SH3RF3: variants seen among roughly 807,000 people sequenced by gnomAD.
The protein encoded by SH3RF3 is SH3 domain containing ring finger 3, also known as E3 ubiquitin-protein ligase SH3RF3.
Under a neutral mutation model 66.3 loss-of-function variants are expected in SH3RF3, and 29 were observed. That is an observed-to-expected ratio of 0.44 (90% CI 0.33 to 0.60). The LOEUF (loss-of-function observed/expected upper bound fraction) is 0.60. SH3RF3 is among the 20% of genes least tolerant of loss of function. SH3RF3 has a pLI of 0.04. For synonymous variants in SH3RF3, 583 were observed against 532.0 expected, an observed-to-expected ratio of 1.10 and a Z score of -1.32; for missense variants, 1,194 against 1,190.9, an observed-to-expected ratio of 1.00 and a Z score of -0.04.
chr2:109,290,788 A>G lies in SH3RF3; in HGVS notation c.574-56886A>G, dbSNP rs934741183. ...CTCAGGACTGGGCTTCAGAGCCTTT[A>G]CAACACAGCACTCTTGATGGCTTCT... On this transcript the variant is annotated intron_variant, in intron 1 of 9. Coordinates refer to ENST00000309415, the MANE Select transcript of SH3RF3 (RefSeq NM_001099289.3). Among the ~76,000 whole-genome samples the G allele has an allele frequency of 3.3e-5, 5 of 152,214 alleles. No individual in the cohort carries two copies. In the East Asian group the frequency reaches 9.6e-4, roughly 29 times the overall value.
intron 1 of SH3RF3, among the ~76,000 whole-genome samples, chr2:109,209,163 T>C (rs1349871416): frequency 1.3e-5 from 2 of 152,238 alleles, no homozygotes; most frequent in East Asian, 3.8e-4. Flanking sequence ...TGCTGTGGTC[T>C]GCCTGGGCAT....
At chr2:109,374,870 A>T (rs1376699821) in intron 3 of SH3RF3, among the ~76,000 whole-genome samples, 3 of 152,162 alleles carry the variant, frequency 2.0e-5, no homozygotes, top group Non-Finnish European at 4.4e-5. Flanking sequence ...AGCTCAGGCC[A>T]TGATGCTAAG....
At chr2:109,482,592 A>C (rs1224990048) in intron 8 of SH3RF3, among the ~76,000 whole-genome samples, 1 of 152,152 alleles carries the variant, frequency 6.6e-6, no homozygotes, top group African/African-American at 2.4e-5. Flanking sequence ...ATGACCCCTA[A>C]GAGGGGGAGA....
intron 1 of SH3RF3, among the ~76,000 whole-genome samples, chr2:109,258,875 G>C (rs1680285565): frequency 6.6e-6 from 1 of 152,198 alleles, no homozygotes; most frequent in Non-Finnish European, 1.5e-5. Flanking sequence ...GATTTGACGA[G>C]AACACTCTGT....
intron 2 of SH3RF3, among the ~76,000 whole-genome samples, chr2:109,351,430 A>G (rs1426472091): frequency 6.6e-6 from 1 of 152,262 alleles, no homozygotes; most frequent in African/African-American, 2.4e-5. Context: ...CTGGGAGTGC[A>G]GGAGAAGAAT....
At chr2:109,187,921 A>T (rs1260754276) in intron 1 of SH3RF3, among the ~76,000 whole-genome samples, 4 of 152,126 alleles carry the variant, frequency 2.6e-5, no homozygotes, top group African/African-American at 9.7e-5. Context: ...TGTGCCTGTC[A>T]GGACTCTCAG....
chr2:109,335,472 G>A (rs576500693), intron 1 of SH3RF3, among the ~76,000 whole-genome samples: 68 of 152,198 alleles, frequency 4.5e-4, no homozygotes, highest in African/African-American at 9.9e-4. Context: ...GGACATGCTC[G>A]TCGACTAGCC....
chr2:109,429,515 C>T (rs1677130835), intron 5 of SH3RF3, among the ~76,000 whole-genome samples: 2 of 152,160 alleles, frequency 1.3e-5, no homozygotes. Flanking sequence ...GGCAGCATCT[C>T]CCTACGCGTT....
chr2:109,372,507 A>T (rs777445540), intron 3 of SH3RF3, among the ~76,000 whole-genome samples: 5 of 152,230 alleles, frequency 3.3e-5, no homozygotes, highest in Non-Finnish European at 7.3e-5. Flanking sequence ...TGTGCCAGAC[A>T]CTTGGAAGTA....
chr2:109,402,039 C>T (rs1358808795), intron 4 of SH3RF3, among the ~76,000 whole-genome samples: 1 of 152,220 alleles, frequency 6.6e-6, no homozygotes, highest in East Asian at 1.9e-4. Flanking sequence ...CCGCCTGTCT[C>T]CCTGTCCTGA....
intron 8 of SH3RF3, among the ~76,000 whole-genome samples, chr2:109,471,713 C>A (rs994216940): frequency 6.6e-6 from 1 of 152,204 alleles, no homozygotes; most frequent in Non-Finnish European, 1.5e-5. Context: ...CCACTCACCC[C>A]CTTGCTGTCT....
intron 2 of SH3RF3, among the ~76,000 whole-genome samples, chr2:109,354,880 C>T (rs1381134229): frequency 1.3e-5 from 2 of 152,236 alleles, no homozygotes; most frequent in African/African-American, 4.8e-5. Context: ...GCAGGTCCTA[C>T]CATGTCACCT....
chr2:109,217,802 G>A (rs1053261564), intron 1 of SH3RF3, among the ~76,000 whole-genome samples: 1 of 152,200 alleles, frequency 6.6e-6, no homozygotes, highest in Non-Finnish European at 1.5e-5. Context: ...GCCTGGCTGT[G>A]GTGCTGGGCA....
chr2:109,147,801 A>G (rs920122942), intron 1 of SH3RF3, among the ~76,000 whole-genome samples: 2 of 152,248 alleles, frequency 1.3e-5, no homozygotes, highest in Non-Finnish European at 2.9e-5. Context: ...ATTGGAGCCT[A>G]GCCCATTGAT....
intron 1 of SH3RF3, among the ~76,000 whole-genome samples, chr2:109,190,088 G>T (rs983318102): frequency 3.3e-5 from 5 of 152,186 alleles, no homozygotes; most frequent in African/African-American, 7.2e-5. Flanking sequence ...AACTTTTCCC[G>T]TGATCATATG....
At position 109,363,151 on chromosome 2, in the gene SH3RF3, C is replaced by A. The variant is rs554399060; in HGVS notation, c.850-8435C>A. Among the ~76,000 whole-genome samples the A allele has an allele frequency of 5.9e-5, 9 of 151,948 alleles. No homozygotes were observed. In the East Asian group the frequency reaches 9.7e-4, roughly 16 times the overall value. ...TTTGTTATTTTTCCTGTCTTTCACT[C>A]TTTTTCGGTCTTTTGTGGTTTTTAT... is the stretch of plus-strand genomic sequence containing the variant. On this transcript the variant is annotated intron_variant, in intron 2 of 9. Coordinates refer to ENST00000309415, the MANE Select transcript of SH3RF3 (RefSeq NM_001099289.3).
chr2:109,306,299 T>TTCCA (rs1681594949), intron 1 of SH3RF3, among the ~76,000 whole-genome samples: 1 of 152,190 alleles, frequency 6.6e-6, no homozygotes. Flanking sequence ...TGTGTTTGCA[T>TTCCA]TCCACCCTGC....
chr2:109,194,916 GAAA>G (rs1281909222), intron 1 of SH3RF3, among the ~76,000 whole-genome samples: 1 of 152,086 alleles, frequency 6.6e-6, no homozygotes, highest in African/African-American at 2.4e-5. Context: ...AAAAGAAAAA[GAAA>G]AAAATCCAAG....
rs1574480265 is a variant in SH3RF3 at position 109,160,387 on chromosome 2, G to A, written c.573+30274G>A. Among the ~76,000 whole-genome samples, 5 of 152,354 alleles carry A rather than the reference G, an allele frequency of 3.3e-5. No homozygotes were observed. The South Asian group carries it at 8.3e-4, about 25-fold the overall frequency. On this transcript the variant is annotated intron_variant, in intron 1 of 9. Coordinates refer to ENST00000309415, the MANE Select transcript of SH3RF3 (RefSeq NM_001099289.3). ...ATTTGTGTGCCCAAAGCAGGGCAGG[G>A]CTAAAGTTGGAAATGGAAATGAAGG... is the stretch of plus-strand genomic sequence containing the variant.
Sources: allele counts gnomAD v4.1 joint callset (sites outside exome capture counted in the v4.1 genomes callset), GRCh38; gene constraint gnomAD v4.1.1; transcripts MANE v1.5; gene names NCBI Gene and HGNC (gene_info 2026-07-23, HGNC 2026-07-21).